Variants in VAMP4 observed in about 807,000 individuals in gnomAD.
VAMP4 encodes vesicle associated membrane protein 4, also known as vesicle-associated membrane protein 4.
VAMP4 carries 19 observed loss-of-function variants against 23.5 expected under a neutral mutation model. The ratio of observed to expected loss-of-function variants is 0.81; its 90% CI spans 0.56 to 1.19. The LOEUF is 1.19. Among genes scored for constraint, VAMP4 ranks in the 50% most tolerant of loss-of-function variants. VAMP4 has a pLI of 0.00. For missense variants in VAMP4, 145 were observed against 168.6 expected (o/e 0.86, Z 0.78); for synonymous variants, 31 against 51.0 (o/e 0.61, Z 1.67).
intron 1 of VAMP4, among the ~76,000 whole-genome samples, chr1:171,741,257 C>T (rs1341223738): frequency 1.3e-5 from 2 of 152,146 alleles, no homozygotes; most frequent in Non-Finnish European, 2.9e-5. Flanking sequence ...TGAATCTGGG[C>T]AAAGGCTCTC....
chr1:171,732,565 C>T (rs1274244905), intron 2 of VAMP4, among the ~76,000 whole-genome samples: 2 of 151,860 alleles, frequency 1.3e-5, no homozygotes, highest in East Asian at 3.9e-4. Flanking sequence ...CAAAAAACAT[C>T]CTTCTCATTA....
intron 3 of VAMP4, among the ~76,000 whole-genome samples, chr1:171,720,829 G>A (rs1429433623): frequency 2.0e-5 from 3 of 151,932 alleles, no homozygotes; most frequent in African/African-American, 7.2e-5. Flanking sequence ...AACCTACCAC[G>A]AAAACCAGAT....
At chr1:171,736,134 G>A (rs192549160) in intron 2 of VAMP4, among the ~76,000 whole-genome samples, 6 of 152,204 alleles carry the variant, frequency 3.9e-5, no homozygotes, top group Admixed American at 3.3e-4. Flanking sequence ...TGATCTGCCC[G>A]CCTCGGCCTC....
chr1:171,714,074 G>C (rs975951642), intron 4 of VAMP4, among the ~76,000 whole-genome samples: 3 of 152,174 alleles, frequency 2.0e-5, no homozygotes, highest in East Asian at 1.9e-4. Flanking sequence ...ATCTGCTGGT[G>C]TAACACTCTG....
chr1:171,735,827 T>C (rs547712455), intron 2 of VAMP4, among the ~76,000 whole-genome samples: 8 of 152,332 alleles, frequency 5.3e-5, no homozygotes, highest in Non-Finnish European at 7.4e-5. Context: ...CTTTAACAAA[T>C]TGACATTTAT....
chr1:171,739,648 A>G (rs1326292930), intron 1 of VAMP4, among the ~76,000 whole-genome samples: 1 of 152,224 alleles, frequency 6.6e-6, no homozygotes, highest in Non-Finnish European at 1.5e-5. Flanking sequence ...ATCTGATGCT[A>G]TCTCTAGGTA....
chr1:171,704,628 T>C, intron 7 of VAMP4, 94 bp from the exon 8 acceptor site: 1 of 954,686 alleles, frequency 1.0e-6, no homozygotes, highest in Non-Finnish European at 1.5e-6. Context: ...TGTCTACTTT[T>C]AGAAATGGGT....
chr1:171,716,534 G>A (rs1655026491), intron 4 of VAMP4, among the ~76,000 whole-genome samples: 1 of 147,210 alleles, frequency 6.8e-6, no homozygotes, highest in Admixed American at 6.8e-5. Flanking sequence ...TTTAAAAATT[G>A]TCCTCAAAAA....
chr1:171,706,838 T>C (rs775043582), intron 6 of VAMP4, among the ~76,000 whole-genome samples: 5 of 152,168 alleles, frequency 3.3e-5, no homozygotes, highest in South Asian at 2.1e-4. Context: ...CATCAAATCA[T>C]AGAGGTTCAG....
At chr1:171,709,849 A>G in intron 5 of VAMP4, 105 bp from the exon 6 acceptor site, 1 of 891,724 alleles carries the variant, frequency 1.1e-6, no homozygotes. Context: ...CTGCAAATTT[A>G]TTCCCTTTTA....
chr1:171,734,332 A>G (rs1355884054), intron 2 of VAMP4, among the ~76,000 whole-genome samples: 2 of 152,054 alleles, frequency 1.3e-5, no homozygotes, highest in East Asian at 3.8e-4. Flanking sequence ...TCTTAAAAAC[A>G]TTATGCTAAG....
intron 4 of VAMP4, among the ~76,000 whole-genome samples, chr1:171,717,418 G>A (rs1445750163): frequency 1.3e-5 from 2 of 152,164 alleles, no homozygotes; most frequent in East Asian, 1.9e-4. Context: ...GAGAGAATGA[G>A]TGGCTCATGA....
chr1:171,729,716 G>C (rs1307588984), intron 2 of VAMP4, among the ~76,000 whole-genome samples: 1 of 152,282 alleles, frequency 6.6e-6, no homozygotes, highest in East Asian at 1.9e-4. Flanking sequence ...CTGGAGTGCA[G>C]TGGTGCAATC....
At chr1:171,714,098 T>C (rs1301386505) in intron 4 of VAMP4, among the ~76,000 whole-genome samples, 2 of 152,216 alleles carry the variant, frequency 1.3e-5, no homozygotes, top group East Asian at 3.8e-4. Flanking sequence ...CCAGCTACTA[T>C]GTAACCTTCA....
chr1:171,712,223 A>T (rs1654870621), intron 4 of VAMP4, among the ~76,000 whole-genome samples: 1 of 152,250 alleles, frequency 6.6e-6, no homozygotes, highest in African/African-American at 2.4e-5. Context: ...GAAAAGGAAG[A>T]AGTGTGTAGG....
At chr1:171,728,490 T>C in intron 3 of VAMP4, 34 bp downstream of exon 3, 4 of 1,484,854 alleles carry the variant, frequency 2.7e-6, no homozygotes, top group African/African-American at 1.4e-5. Context: ...TGTATGTCAA[T>C]TACACCCTAA....
chr1:171,736,092 G>T (rs1173469063), intron 2 of VAMP4, among the ~76,000 whole-genome samples: 1 of 152,108 alleles, frequency 6.6e-6, no homozygotes, highest in Non-Finnish European at 1.5e-5. Flanking sequence ...TCACTATGTT[G>T]GCCAGACTGG....
intron 2 of VAMP4, among the ~76,000 whole-genome samples, chr1:171,735,613 TAAGTGACTA>T (rs760425496): frequency 4.6e-5 from 7 of 152,190 alleles, no homozygotes; most frequent in Non-Finnish European, 7.3e-5. Flanking sequence ...CATCTCTGGG[TAAGTGACTA>T]AAGATTTCCT....
At chr1:171,724,627 G>T (rs1655308329) in intron 3 of VAMP4, among the ~76,000 whole-genome samples, 1 of 152,184 alleles carries the variant, frequency 6.6e-6, no homozygotes, top group South Asian at 2.1e-4. Flanking sequence ...ACCAAATATT[G>T]TTAAGATGTT....
Sources: gnomAD v4.1 joint callset for allele counts (sites outside exome capture counted in the v4.1 genomes callset) on GRCh38, gnomAD v4.1.1 for gene constraint, MANE v1.5 for transcripts, NCBI Gene and HGNC (gene_info 2026-07-23, HGNC 2026-07-21) for gene names.